The following RABGEF1 variants were observed in gnomAD, a reference collection of about 807,000 sequenced individuals.
RABGEF1 encodes rab5 GDP/GTP exchange factor.
Under a neutral mutation model 57.3 loss-of-function variants are expected in RABGEF1, and 26 were observed. That is an observed-to-expected ratio of 0.45 (90% CI 0.33 to 0.63). The LOEUF is 0.63. Among genes scored for constraint, RABGEF1 ranks in the 20% least tolerant of loss-of-function variants. The pLI, the probability that RABGEF1 is intolerant of heterozygous loss-of-function variation, is 0.02. For missense variants in RABGEF1, 464 were observed against 607.6 expected, an observed-to-expected ratio of 0.76 and a Z score of 2.48; for synonymous variants, 185 against 210.7, an observed-to-expected ratio of 0.88 and a Z score of 1.06.
At chr7:66,770,544 T>G (rs1806834524) in intron 1 of RABGEF1, 1 of 152,082 alleles carries the variant, frequency 6.6e-6, no homozygotes, top group Non-Finnish European at 1.5e-5. Flanking sequence ...AGTGCAGTGG[T>G]GTGATCATAC....
At chr7:66,731,821 C>T (rs1797353759) in intron 2 of RABGEF1, among the ~76,000 whole-genome samples, 1 of 152,166 alleles carries the variant, frequency 6.6e-6, no homozygotes, top group African/African-American at 2.4e-5. Context: ...CACTTTATGT[C>T]ATAGTGGAGA....
At chr7:66,767,049 C>G (rs200080284) in intron 1 of RABGEF1, among the ~76,000 whole-genome samples, 1 of 142,302 alleles carries the variant, frequency 7.0e-6, no homozygotes, top group Non-Finnish European at 1.5e-5. Flanking sequence ...GTTGCCCAGG[C>G]TGGAGTGCAA....
At chr7:66,674,442 C>T in the RABGEF1 span, among the ~76,000 whole-genome samples, 2 of 152,032 alleles carry the variant, frequency 1.3e-5, no homozygotes, top group Non-Finnish European at 2.9e-5. Context: ...CCCACTTCGG[C>T]CTCCGAAAGA....
rs1203703435 is a variant in RABGEF1, at chr7:66,783,713, C to T, written c.385C>T (p.Arg129Trp). Residue 129 changes from arginine to tryptophan, a missense_variant, in exon 4 of 9, where the codon CGG (arginine) becomes TGG (tryptophan). Transcript: ENST00000284957. ...AAAAGCTCCCAGTCCTTCCATAAAC[C>T]GGCAAACCAGCATTGAAACGGATAG... ...EAKAPSPSIN[R>W]QTSIETDRVS... The T allele has an allele frequency of 4.3e-6, 7 of 1,610,660 alleles. No individual in the cohort carries two copies. Among genetic ancestry groups the T allele is most frequent in the East Asian group, 2.2e-5 (1 of 44,784 alleles).
chr7:66,719,601 A>C (rs1446995269), intron 2 of RABGEF1, among the ~76,000 whole-genome samples: 2 of 152,192 alleles, frequency 1.3e-5, no homozygotes, highest in African/African-American at 4.8e-5. Flanking sequence ...TGAATCCCAC[A>C]AAAACTTTTA....
At chr7:66,777,237 G>T (rs748773275) in intron 3 of RABGEF1, among the ~76,000 whole-genome samples, 3 of 152,132 alleles carry the variant, frequency 2.0e-5, no homozygotes, top group Non-Finnish European at 2.9e-5. Flanking sequence ...GATAACAGAT[G>T]AAATAGTAAA....
At chr7:66,721,067 C>A (rs1282756829) in intron 2 of RABGEF1, among the ~76,000 whole-genome samples, 1 of 152,024 alleles carries the variant, frequency 6.6e-6, no homozygotes, top group Non-Finnish European at 1.5e-5. Context: ...CACAGGCGCA[C>A]GTCACCACGC....
chr7:66,660,696 T>C, the RABGEF1 span, among the ~76,000 whole-genome samples: 1 of 152,284 alleles, frequency 6.6e-6, no homozygotes, highest in South Asian at 2.1e-4. Context: ...TTAAAATCCT[T>C]TCAACAAAGA....
At chr7:66,804,698 G>C (rs1405187992) in intron 7 of RABGEF1, among the ~76,000 whole-genome samples, 17 of 147,590 alleles carry the variant, frequency 1.2e-4, no homozygotes, top group Middle Eastern at 3.6e-3. Flanking sequence ...TCACACCACT[G>C]CACTCTCCAG....
At chr7:66,671,409 TA>T in the RABGEF1 span, among the ~76,000 whole-genome samples, 2 of 152,012 alleles carry the variant, frequency 1.3e-5, no homozygotes, top group Non-Finnish European at 2.9e-5. Flanking sequence ...TAATCCCACA[TA>T]GGGGGGTAGT....
chr7:66,699,404 G>A (rs73135960), intron 1 of RABGEF1, among the ~76,000 whole-genome samples: 15,865 of 152,166 alleles, frequency 0.1, 909 homozygotes, highest in Non-Finnish European at 0.11. Flanking sequence ...CTGTAAAATG[G>A]GAGTGGCTGG....
intron 1 of RABGEF1, among the ~76,000 whole-genome samples, chr7:66,692,643 T>C (rs543230913): frequency 1.3e-5 from 2 of 152,250 alleles, no homozygotes; most frequent in East Asian, 3.9e-4. Flanking sequence ...TTCTAAGTGG[T>C]GGGACTGGGG....
At chr7:66,681,199 TTTTC>T (rs1303935065), upstream of RABGEF1, among the ~76,000 whole-genome samples, 3 of 152,226 alleles carry the variant, frequency 2.0e-5, no homozygotes, top group African/African-American at 7.2e-5. Flanking sequence ...TTGTATTTTC[TTTTC>T]TTTCTTTCTG....
chr7:66,667,944 C>T, the RABGEF1 span, among the ~76,000 whole-genome samples: 4 of 152,016 alleles, frequency 2.6e-5, no homozygotes, highest in African/African-American at 7.2e-5. Flanking sequence ...ATTATAGGCA[C>T]ATGCCACCAC....
At position 66,777,610 on chromosome 7, in the gene RABGEF1, A is replaced by G. The variant is rs536784206; in HGVS notation, c.346+2217A>G. Among the ~76,000 whole-genome samples the G allele has an allele frequency of 2.2e-4, 33 of 152,300 alleles. No homozygotes were observed. The South Asian group carries it at 5.4e-3, about 25-fold the overall frequency. On this transcript the variant is annotated intron_variant, in intron 3 of 8. Transcript: ENST00000284957. ...TGAAAGAAAATTTACAATTCAATGCAGAGTCTGTACTTTAAAAAGAAACAT... is the reference window on the plus strand; with the variant it reads ...TGAAAGAAAATTTACAATTCAATGCGGAGTCTGTACTTTAAAAAGAAACAT...
At chr7:66,659,412 A>G in the RABGEF1 span, among the ~76,000 whole-genome samples, 1 of 151,528 alleles carries the variant, frequency 6.6e-6, no homozygotes, top group Non-Finnish European at 1.5e-5. Flanking sequence ...ACATTGCGCC[A>G]CTGCGCTCCA....
chr7:66,716,082 G>C (rs763408681), intron 2 of RABGEF1, among the ~76,000 whole-genome samples: 1 of 152,100 alleles, frequency 6.6e-6, no homozygotes, highest in African/African-American at 2.4e-5. Context: ...CTCAAGTTCT[G>C]TCAGTTTTGC....
chr7:66,789,564 T>G (rs1812075446), intron 4 of RABGEF1, among the ~76,000 whole-genome samples: 2 of 150,902 alleles, frequency 1.3e-5, no homozygotes, highest in Admixed American at 6.7e-5. Flanking sequence ...GCACCTGTAG[T>G]CCCAGCTGCT....
rs191736280 is a variant in RABGEF1 at position 66,774,975 on chromosome 7, A to T, written c.180-252A>T. On this transcript the variant is annotated intron_variant, in intron 2 of 8. Coordinates refer to ENST00000284957, the MANE Select transcript of RABGEF1 (RefSeq NM_014504.3). ...TCCAGCCTTGAGCTTGTTAGGGAAA[A>T]GGATTAGACTTGATTTCTTTCATGT... is the stretch of plus-strand genomic sequence containing the variant. 5.3e-4 allele frequency among the ~76,000 whole-genome samples: 80 copies of T among 152,256 alleles called. 1 individual carries two copies. In the South Asian group the frequency reaches 0.011, roughly 22 times the overall value.
Sources: allele counts gnomAD v4.1 joint callset (sites outside exome capture counted in the v4.1 genomes callset), GRCh38; gene constraint gnomAD v4.1.1; transcripts MANE v1.5; gene names NCBI Gene and HGNC (gene_info 2026-07-23, HGNC 2026-07-21).